ZNF277: variants seen among roughly 807,000 people sequenced by gnomAD.
The protein encoded by ZNF277 is zinc finger protein 277.
A neutral mutation model predicts 60.7 loss-of-function variants in ZNF277; 55 were observed. That is an observed-to-expected ratio of 0.91 (90% CI 0.73 to 1.13). The LOEUF is 1.13. Ranked by LOEUF, ZNF277 falls within the 50% of genes most tolerant of loss-of-function variation. ZNF277 has a pLI of 0.00. For missense variants in ZNF277, 510 were observed against 523.0 expected (o/e 0.98, Z 0.24); for synonymous variants, 178 against 179.3 (o/e 0.99, Z 0.06).
intron 8 of ZNF277, among the ~76,000 whole-genome samples, chr7:112,336,749 G>C (rs1793341828): frequency 6.6e-6 from 1 of 152,196 alleles, no homozygotes; most frequent in Non-Finnish European, 1.5e-5. Context: ...CAAAGGTAGA[G>C]AGCTGCCATT....
chr7:112,341,507 A>T (rs1258213138), intron 11 of ZNF277, among the ~76,000 whole-genome samples: 2 of 152,210 alleles, frequency 1.3e-5, no homozygotes, highest in Admixed American at 6.5e-5. Flanking sequence ...TAGCACACTT[A>T]TCTAATTATT....
intron 1 of ZNF277, among the ~76,000 whole-genome samples, chr7:112,223,373 C>T (rs1822085666): frequency 6.6e-6 from 1 of 152,152 alleles, no homozygotes; most frequent in Non-Finnish European, 1.5e-5. Context: ...AGGCCTGGAG[C>T]CAAGTTAAAG....
At chr7:112,309,344 G>T (rs1187263313) in intron 4 of ZNF277, among the ~76,000 whole-genome samples, 2 of 151,930 alleles carry the variant, frequency 1.3e-5, no homozygotes, top group Admixed American at 6.5e-5. Flanking sequence ...CAAAAACTGT[G>T]TTCAGGGAAG....
At chr7:112,252,704 T>G (rs541192847) in intron 1 of ZNF277, among the ~76,000 whole-genome samples, 1 of 152,222 alleles carries the variant, frequency 6.6e-6, no homozygotes, top group South Asian at 2.1e-4. Context: ...ATCTGAAAAG[T>G]AGTAATGAAG....
chr7:112,215,588 A>T (rs1821858707), intron 1 of ZNF277, among the ~76,000 whole-genome samples: 1 of 152,236 alleles, frequency 6.6e-6, no homozygotes, highest in African/African-American at 2.4e-5. Flanking sequence ...GATGAAGTGG[A>T]TACATTTGAT....
intron 1 of ZNF277, among the ~76,000 whole-genome samples, chr7:112,243,459 C>G (rs886982830): frequency 5.4e-5 from 8 of 147,644 alleles, no homozygotes; most frequent in African/African-American, 1.7e-4. Flanking sequence ...CCAGAATCCA[C>G]AAGGAACTCA....
At chr7:112,213,621 A>G (rs1435012663) in intron 1 of ZNF277, among the ~76,000 whole-genome samples, 1 of 152,200 alleles carries the variant, frequency 6.6e-6, no homozygotes, top group Non-Finnish European at 1.5e-5. Flanking sequence ...TTATGTACAA[A>G]TGAGGAAACT....
intron 1 of ZNF277, among the ~76,000 whole-genome samples, chr7:112,274,647 C>T (rs1458005506): frequency 6.6e-6 from 1 of 152,058 alleles, no homozygotes. Flanking sequence ...ATTTATGATT[C>T]TATGTAAAAC....
chr7:112,327,141 T>C (rs574213888), intron 5 of ZNF277, among the ~76,000 whole-genome samples: 2 of 152,168 alleles, frequency 1.3e-5, no homozygotes, highest in Non-Finnish European at 2.9e-5. Flanking sequence ...CCATGATGAA[T>C]TGGAAAAGTA....
intron 1 of ZNF277, among the ~76,000 whole-genome samples, chr7:112,265,814 A>T (rs1482107982): frequency 2.6e-5 from 4 of 152,198 alleles, no homozygotes; most frequent in African/African-American, 4.8e-5. Context: ...TCAAAACACT[A>T]TAAGGGTTAG....
At chr7:112,333,422 C>T (rs369052946) in intron 7 of ZNF277, among the ~76,000 whole-genome samples, 2 of 152,114 alleles carry the variant, frequency 1.3e-5, no homozygotes, top group African/African-American at 2.4e-5. Context: ...CATGTAAGCA[C>T]GTTAGTTTGA....
intron 4 of ZNF277, 86 bp from the exon 5 acceptor site, chr7:112,318,096 C>G: frequency 9.3e-7 from 1 of 1,079,138 alleles, no homozygotes; most frequent in Non-Finnish European, 1.4e-6. Context: ...TGCTTCCAGC[C>G]CAGTTTCCTC....
At chr7:112,256,626 A>C (rs1406029053) in intron 1 of ZNF277, among the ~76,000 whole-genome samples, 1 of 151,734 alleles carries the variant, frequency 6.6e-6, no homozygotes. Flanking sequence ...TTTTATTTTT[A>C]GTAGAGATGG....
rs563662729 is a variant in ZNF277, at chr7:112,242,873, C to CA, written c.91+36071dup. 5.9e-5 allele frequency among the ~76,000 whole-genome samples: 9 copies of CA among 151,994 alleles called. No homozygotes were observed. In the East Asian group the frequency reaches 1.5e-3, roughly 26 times the overall value. On this transcript the variant is annotated intron_variant, in intron 1 of 11. Transcript: ENST00000361822. ...CCTGAATAGCCAAAGCAATCCTAAG[C>CA]AAAAAGGACAAAGCTGGAAATATCA...
At chr7:112,334,862 A>C (rs1470084360) in intron 7 of ZNF277, among the ~76,000 whole-genome samples, 6 of 152,168 alleles carry the variant, frequency 3.9e-5, no homozygotes, top group Admixed American at 1.3e-4. Context: ...TCTAACAAGC[A>C]TCTTGTTGGC....
intron 4 of ZNF277, 39 bp from the exon 5 acceptor site, chr7:112,318,143 G>T (rs757178774): frequency 6.6e-7 from 1 of 1,525,804 alleles, no homozygotes; most frequent in African/African-American, 1.4e-5. Context: ...AGCCAATTGT[G>T]CATTAAGATA....
chr7:112,336,401 C>T (rs1033541282), intron 8 of ZNF277, among the ~76,000 whole-genome samples: 4 of 152,138 alleles, frequency 2.6e-5, no homozygotes, highest in African/African-American at 9.7e-5. Context: ...ATTGAACACA[C>T]AAGTAATATA....
At chr7:112,254,300 C>G (rs1022688097) in intron 1 of ZNF277, among the ~76,000 whole-genome samples, 49 of 152,274 alleles carry the variant, frequency 3.2e-4, no homozygotes, top group African/African-American at 1.2e-3. Context: ...GTTAGTGTTG[C>G]TAATTTACAT....
intron 4 of ZNF277, among the ~76,000 whole-genome samples, chr7:112,298,341 G>A (rs975055599): frequency 7.2e-5 from 11 of 152,152 alleles, no homozygotes; most frequent in African/African-American, 2.7e-4. Flanking sequence ...TTAACAATGA[G>A]AAGGATTTGG....
Sources: gnomAD v4.1 joint callset for allele counts (sites outside exome capture counted in the v4.1 genomes callset) on GRCh38, gnomAD v4.1.1 for gene constraint, MANE v1.5 for transcripts, NCBI Gene and HGNC (gene_info 2026-07-23, HGNC 2026-07-21) for gene names.